FAM149A: variants seen among roughly 807,000 people sequenced by gnomAD.
The protein encoded by FAM149A is protein FAM149A.
A neutral mutation model predicts 78.2 loss-of-function variants in FAM149A; 71 were observed. The observed-to-expected ratio is 0.91, with a 90% CI of 0.75 to 1.11. FAM149A has a LOEUF of 1.11. FAM149A is among the 50% of genes least tolerant of loss of function. FAM149A has a pLI of 0.00. For missense variants in FAM149A, 1,036 were observed against 971.0 expected (o/e 1.07, Z -0.89); for synonymous variants, 446 against 410.5 (o/e 1.09, Z -1.04).
intron 1 of FAM149A, among the ~76,000 whole-genome samples, chr4:186,147,904 G>A (rs1036472724): frequency 6.6e-6 from 1 of 152,024 alleles, no homozygotes; most frequent in African/African-American, 2.4e-5. Flanking sequence ...CTGGTTGTCC[G>A]TAAGATACCT....
At chr4:186,135,521 T>C (rs2099322330) in intron 1 of FAM149A, among the ~76,000 whole-genome samples, 1 of 152,174 alleles carries the variant, frequency 6.6e-6, no homozygotes, top group Non-Finnish European at 1.5e-5. Flanking sequence ...AGTCTCAACA[T>C]TTTTGTCAAC....
At chr4:186,159,852 G>T (rs77911135) in intron 8 of FAM149A, among the ~76,000 whole-genome samples, 3,406 of 127,044 alleles carry the variant, frequency 0.027, 146 homozygotes, top group African/African-American at 0.092. Context: ...TAAGGCAGGA[G>T]TCCTAGTCCT....
chr4:186,165,086 C>T (rs111793855), intron 10 of FAM149A, among the ~76,000 whole-genome samples: 31 of 152,250 alleles, frequency 2.0e-4, no homozygotes, highest in African/African-American at 5.3e-4. Flanking sequence ...TCCCTCTGAC[C>T]CCCCCACACA....
At chr4:186,165,139 G>C (rs1734929764) in intron 10 of FAM149A, among the ~76,000 whole-genome samples, 1 of 152,112 alleles carries the variant, frequency 6.6e-6, no homozygotes, top group Non-Finnish European at 1.5e-5. Context: ...TCTTTCACTT[G>C]TATTGAGATA....
intron 1 of FAM149A, chr4:186,124,370 G>A (rs1421645974): frequency 2.5e-5 from 8 of 318,062 alleles, no homozygotes; most frequent in East Asian, 1.8e-4. Flanking sequence ...CCATTAACTC[G>A]TCATTTACAT....
chr4:186,130,194 G>A (rs2099319973), intron 1 of FAM149A: 1 of 149,194 alleles, frequency 6.7e-6, no homozygotes, highest in African/African-American at 2.5e-5. Context: ...TTACAACCCA[G>A]ACATAAACTT....
intron 13 of FAM149A, 69 bp downstream of exon 13, chr4:186,167,331 G>A: frequency 7.3e-7 from 1 of 1,370,822 alleles, no homozygotes; most frequent in South Asian, 1.2e-5. Context: ...ACAGTGAAAT[G>A]GAAGATGATC....
chr4:186,128,448 T>C (rs1488582678), intron 1 of FAM149A, among the ~76,000 whole-genome samples: 1 of 151,908 alleles, frequency 6.6e-6, no homozygotes, highest in African/African-American at 2.4e-5. Context: ...TTTTCTGTCT[T>C]TGGGAGCCAC....
chr4:186,159,120 T>C (rs1734306628), intron 8 of FAM149A, among the ~76,000 whole-genome samples: 1 of 151,926 alleles, frequency 6.6e-6, no homozygotes, highest in Non-Finnish European at 1.5e-5. Context: ...AACCAATGAG[T>C]ATACATTGGG....
At chr4:186,152,133 T>A in intron 4 of FAM149A, 88 bp downstream of exon 4, 1 of 1,282,642 alleles carries the variant, frequency 7.8e-7, no homozygotes, top group South Asian at 1.3e-5. Context: ...ACATTTGGTG[T>A]GAAAGTGCCT....
At chr4:186,122,771 ATAATG>A (rs2099316640) in intron 1 of FAM149A, 1 of 510,776 alleles carries the variant, frequency 2.0e-6, no homozygotes, top group East Asian at 1.6e-4. Flanking sequence ...TTGTTCATAA[ATAATG>A]TAAATATTTA....
At chr4:186,160,356 C>T (rs1424305734) in intron 8 of FAM149A, among the ~76,000 whole-genome samples, 1 of 141,216 alleles carries the variant, frequency 7.1e-6, no homozygotes, top group East Asian at 2.2e-4. Flanking sequence ...ACCACACACA[C>T]AGAAAATACA....
At chr4:186,136,992 C>CTCTCTCTCTCTCTT (rs2099323477) in intron 1 of FAM149A, among the ~76,000 whole-genome samples, 14 of 126,792 alleles carry the variant, frequency 1.1e-4, no homozygotes, top group South Asian at 5.8e-4. Context: ...CTCTCTCTCT[C>CTCTCTCTCTCTCTT]TCTCTCTCTC....
intron 13 of FAM149A, 144 bp downstream of exon 13, chr4:186,167,406 T>G (rs1281194533): frequency 2.6e-6 from 2 of 773,108 alleles, no homozygotes; most frequent in Non-Finnish European, 4.6e-6. Flanking sequence ...TGGCCTGACC[T>G]CAGAAACCTC....
rs1488937253 is a variant in FAM149A at position 186,144,833 on chromosome 4, C to T, written c.567-4340C>T. On this transcript the variant is annotated intron_variant, in intron 1 of 13. Transcript: ENST00000389354. This position sits in a 1 kb window ranked among gnomAD's most constrained non-coding sequence, Gnocchi z 4.2. Reference sequence around the variant, plus strand: ...AGGAGGAGGGGAGGCGGCGCCGGCGCGGGCGGGGCGGAGGATCTGGAGAGG... The same window carrying T: ...AGGAGGAGGGGAGGCGGCGCCGGCGTGGGCGGGGCGGAGGATCTGGAGAGG... The T allele has an allele frequency of 3.0e-5, 29 of 979,616 alleles. No homozygotes were observed. The highest frequency in any genetic ancestry group is 5.4e-5 in the African/African-American group (3 of 55,168). The allele number at this position is 979,616 out of a possible 1,614,324, so 60.7% of individuals were successfully genotyped here. A position where few individuals can be genotyped will look rare whatever the true frequency, so the allele number is the denominator to read the frequency against.
At chr4:186,162,401 C>A (rs528102657) in intron 8 of FAM149A, among the ~76,000 whole-genome samples, 1 of 152,316 alleles carries the variant, frequency 6.6e-6, no homozygotes, top group African/African-American at 2.4e-5. Context: ...GCCTTCCTCA[C>A]CCTGGAGTTA....
intron 13 of FAM149A, chr4:186,169,292 C>T (rs1735330254): frequency 1.0e-6 from 1 of 985,256 alleles, no homozygotes; most frequent in African/African-American, 1.7e-5. Flanking sequence ...CACAAAAATC[C>T]ACCAAGGACA....
chr4:186,129,496 G>A (rs554924065), intron 1 of FAM149A, among the ~76,000 whole-genome samples: 2 of 152,264 alleles, frequency 1.3e-5, no homozygotes, highest in East Asian at 1.9e-4. Flanking sequence ...TCTTGATTCC[G>A]CTTCCAGCAA....
rs1234876156 is a variant in FAM149A, at chr4:186,144,142, C to G, written c.567-5031C>G. 6.6e-6 allele frequency: 1 copy of G among 152,274 alleles called. No individual in the cohort carries two copies. The highest frequency in any genetic ancestry group is 2.4e-5 in the African/African-American group (1 of 41,462). The allele number at this position is 152,274 out of a possible 1,614,324, so 9.4% of individuals were successfully genotyped here. Reference sequence around the variant, plus strand: ...TGAGACTCAAAAATGTAGTTCACCTCCGCGACCTCACCCCTTCTTCCCTTA... The same window carrying G: ...TGAGACTCAAAAATGTAGTTCACCTGCGCGACCTCACCCCTTCTTCCCTTA... On this transcript the variant is annotated intron_variant, in intron 1 of 13. Transcript: ENST00000389354. The surrounding 1 kb of genome is among the most constrained non-coding windows in gnomAD (Gnocchi z 4.2).
Sources: gnomAD v4.1 joint callset for allele counts (sites outside exome capture counted in the v4.1 genomes callset) on GRCh38, gnomAD v4.1.1 for gene constraint, Gnocchi (gnomAD v3.1) non-coding constraint, MANE v1.5 for transcripts, NCBI Gene and HGNC (gene_info 2026-07-23, HGNC 2026-07-21) for gene names.